The following LRP8 variants were observed in gnomAD, a reference collection of about 807,000 sequenced individuals.
LRP8 encodes the protein LDL receptor related protein 8.
In LRP8, 46 loss-of-function variants were observed where a neutral mutation model predicts 111.6. The observed-to-expected ratio is 0.41, with a 90% CI of 0.33 to 0.53. The LOEUF (loss-of-function observed/expected upper bound fraction) is 0.53, where lower values mean the gene tolerates loss of function less well. Ranked by LOEUF, LRP8 falls within the 20% of genes least tolerant of loss-of-function variation. The probability of loss-of-function intolerance (pLI) is 0.20; values close to 1 mark genes in which losing one functional copy is unlikely to be tolerated. For synonymous variants in LRP8, 464 were observed against 511.2 expected, an observed-to-expected ratio of 0.91 and a Z score of 1.24; for missense variants, 959 against 1,297.4, an observed-to-expected ratio of 0.74 and a Z score of 4.01.
chr1:53,324,244 A>G (rs141128947), intron 2 of LRP8, among the ~76,000 whole-genome samples: 1 of 152,356 alleles, frequency 6.6e-6, no homozygotes, highest in African/African-American at 2.4e-5. Context: ...TCTCTCCTGC[A>G]GGGAGAACAG....
chr1:53,306,656 G>A (rs146994741), intron 2 of LRP8, among the ~76,000 whole-genome samples: 28 of 152,310 alleles, frequency 1.8e-4, no homozygotes, highest in African/African-American at 5.8e-4. Flanking sequence ...GCTGGAGTTG[G>A]AGGAGAGTGC....
At chr1:53,326,255 G>C (rs994242627) in intron 2 of LRP8, among the ~76,000 whole-genome samples, 7 of 152,262 alleles carry the variant, frequency 4.6e-5, no homozygotes, top group Admixed American at 4.6e-4. Context: ...ACCACCCTAA[G>C]GATATGCGCG....
In LRP8 at chr1:53,266,328, T is replaced by C; in HGVS notation, c.1427+145A>G. On this transcript the variant is annotated intron_variant, in intron 9 of 18. Transcript: ENST00000306052. This position sits in a 1 kb window ranked among gnomAD's most constrained non-coding sequence, Gnocchi z 5.0. Reference sequence around the variant, plus strand: ...CCCCAGTAAAGTCCCAGAAGTTCCATATCCACTGTGATCCTGCATCTCTTC... The same window carrying C: ...CCCCAGTAAAGTCCCAGAAGTTCCACATCCACTGTGATCCTGCATCTCTTC... 4 of 796,920 alleles carry C rather than the reference T, an allele frequency of 5.0e-6. No individual in the cohort carries two copies. The highest frequency in any genetic ancestry group is 8.0e-6 in the Non-Finnish European group (4 of 502,416). The allele number at this position is 796,920 out of a possible 1,614,324, so 49.4% of individuals were successfully genotyped here.
chr1:53,263,904 G>T (rs1031300037), intron 10 of LRP8, among the ~76,000 whole-genome samples: 6 of 152,182 alleles, frequency 3.9e-5, no homozygotes, highest in Non-Finnish European at 7.3e-5. Flanking sequence ...TCCCCCAGGA[G>T]CTTCTATCAG....
rs374289162 is a variant in LRP8 at position 53,264,754 on chromosome 1, GT to G, written c.1428-359del. Reference sequence around the variant, plus strand: ...TTTATAGTTGAGTCCTGAAGGACGAGTTCACCAGGAGCATGAAGTCACCAGG... The same window carrying G: ...TTTATAGTTGAGTCCTGAAGGACGAGTCACCAGGAGCATGAAGTCACCAGG... On this transcript the variant is annotated intron_variant, in intron 9 of 18. Transcript: ENST00000306052. Among the ~76,000 whole-genome samples, 60 of 152,324 alleles carry G rather than the reference GT, an allele frequency of 3.9e-4. No homozygotes were observed. The East Asian group carries it at 0.011, about 27-fold the overall frequency.
intron 9 of LRP8, among the ~76,000 whole-genome samples, chr1:53,265,370 C>A (rs779776772): frequency 6.6e-6 from 1 of 152,128 alleles, no homozygotes; most frequent in African/African-American, 2.4e-5. Context: ...CTCAATATGT[C>A]CAAAACTGTT....
intron 16 of LRP8, among the ~76,000 whole-genome samples, chr1:53,254,053 T>C (rs1645988647): frequency 6.6e-6 from 1 of 152,124 alleles, no homozygotes. Context: ...CTCGGCATAC[T>C]GAAGATTCCC....
At chr1:53,261,869 C>T (rs544911869) in intron 12 of LRP8, among the ~76,000 whole-genome samples, 199 bp downstream of exon 12, 231 of 152,248 alleles carry the variant, frequency 1.5e-3, no homozygotes, top group African/African-American at 5.3e-3. Flanking sequence ...GGGAAGAGAG[C>T]GTGGGAAAGG....
chr1:53,311,224 G>A (rs1652934528), intron 2 of LRP8, among the ~76,000 whole-genome samples: 2 of 152,062 alleles, frequency 1.3e-5, no homozygotes, highest in South Asian at 4.1e-4. Context: ...GTGCGCAGGA[G>A]GAATCCATAG....
At chr1:53,319,280 C>T (rs946833495) in intron 2 of LRP8, among the ~76,000 whole-genome samples, 4 of 152,174 alleles carry the variant, frequency 2.6e-5, no homozygotes. Flanking sequence ...CCTGTGGTAC[C>T]TCAAGGCCAG....
chr1:53,268,681 A>T (rs1006306733), intron 8 of LRP8: 1 of 152,156 alleles, frequency 6.6e-6, no homozygotes, highest in African/African-American at 2.4e-5. Context: ...TAAACATAAC[A>T]TGTCCAAAAC....
chr1:53,264,209 G>A lies in LRP8; in HGVS notation c.1615C>T (p.Leu539Phe). 2 of 1,614,182 alleles carry A rather than the reference G, an allele frequency of 1.2e-6. No homozygotes were observed. The highest frequency in any genetic ancestry group is 1.1e-5 in the South Asian group (1 of 91,086). The change falls in exon 10 of 19, where the codon CTC becomes TTC. Residue 539 changes from leucine to phenylalanine, a missense_variant. By Grantham distance (22) the Leu-to-Phe change is conservative. This residue lies in a region of LRP8 where 819 missense variants were observed against 1,097.6 expected (regional missense o/e 0.75). Coordinates refer to ENST00000306052, the MANE Select transcript of LRP8 (RefSeq NM_004631.5). ...GRRRTLFSRN[L>F]SEPRAIAVDP... ...ACAGCGATGGCCCGGGGTTCACTGA[G>A]GTTACGGCTGAAGAGAGTGCGTCGG...
chr1:53,243,210 A>G lies in LRP8; in HGVS notation c.*3808T>C, dbSNP rs1457486008. 1 of 152,058 alleles carries G rather than the reference A, an allele frequency of 6.6e-6. No individual in the cohort carries two copies. Among genetic ancestry groups the G allele is most frequent in the Non-Finnish European group, 1.5e-5 (1 of 68,020 alleles). 9.4% of individuals were successfully genotyped at this position (152,058 alleles called of 1,614,324 possible). ...GTGGAGAGGCTTGCATTCCTGTGCCATTTCCCCATTCCCACCAGTGCCCAA... is the reference window on the plus strand; with the variant it reads ...GTGGAGAGGCTTGCATTCCTGTGCCGTTTCCCCATTCCCACCAGTGCCCAA... On this transcript the variant is annotated 3_prime_UTR_variant, in exon 19 of 19. Transcript: ENST00000306052.
Position 53,294,788 on chromosome 1 carries a change from C to A in LRP8, c.245-5099G>T, listed in dbSNP as rs192268676. Among the ~76,000 whole-genome samples, 139 of 152,326 alleles carry A rather than the reference C, an allele frequency of 9.1e-4. 3 individuals are homozygous for A. Among genetic ancestry groups the A allele is most frequent in the African/African-American group, 3.2e-3 (134 of 41,552 alleles). On this transcript the variant is annotated intron_variant, in intron 2 of 18. Transcript: ENST00000306052. This position sits in a 1 kb window ranked among gnomAD's most constrained non-coding sequence, Gnocchi z 4.1. ...GTGAAACTGTTAGAATCACTCAGCA[C>A]TTCTTGGCTTCCCCCGCCTCCAGAG...
intron 3 of LRP8, 135 bp from the exon 4 acceptor site, chr1:53,280,850 C>T (rs1002104625): frequency 1.9e-6 from 2 of 1,080,374 alleles, no homozygotes; most frequent in African/African-American, 3.2e-5. Context: ...GCCCATGTCT[C>T]AGTTTCATCA....
At chr1:53,319,552 C>T (rs780478928) in intron 2 of LRP8, among the ~76,000 whole-genome samples, 7 of 152,226 alleles carry the variant, frequency 4.6e-5, no homozygotes, top group African/African-American at 7.2e-5. Context: ...AGGCCCGGCT[C>T]TCCCATTGTG....
chr1:53,263,592 G>A (rs1226480569), intron 10 of LRP8, among the ~76,000 whole-genome samples: 1 of 152,198 alleles, frequency 6.6e-6, no homozygotes, highest in Non-Finnish European at 1.5e-5. Flanking sequence ...GAGACCATAG[G>A]CAACAGGGGT....
chr1:53,262,249 A>G lies in LRP8; in HGVS notation c.1775-42T>C. Reference sequence around the variant, plus strand: ...GATCAGGTCATGAACCTGGGACCCCAGTCTGGAGCTCTGTTCCTTTGTACC... The same window carrying G: ...GATCAGGTCATGAACCTGGGACCCCGGTCTGGAGCTCTGTTCCTTTGTACC... On this transcript the variant is annotated intron_variant, in intron 11 of 18. Coordinates refer to ENST00000306052, the MANE Select transcript of LRP8 (RefSeq NM_004631.5). This position sits in a 1 kb window ranked among gnomAD's most constrained non-coding sequence, Gnocchi z 4.8. 1 of 1,610,248 alleles carries G rather than the reference A, an allele frequency of 6.2e-7. No individual in the cohort carries two copies. The highest frequency in any genetic ancestry group is 8.5e-7 in the Non-Finnish European group (1 of 1,178,688).
intron 15 of LRP8, among the ~76,000 whole-genome samples, chr1:53,256,368 T>C (rs1646087920): frequency 1.3e-5 from 2 of 152,368 alleles, no homozygotes; most frequent in African/African-American, 2.4e-5. Context: ...TGGACAGTGA[T>C]ATTAAAACCT....
Sources: allele counts gnomAD v4.1 joint callset (sites outside exome capture counted in the v4.1 genomes callset), GRCh38; gene constraint gnomAD v4.1.1; regional missense constraint gnomAD v4.1.1; non-coding constraint Gnocchi (gnomAD v3.1); transcripts MANE v1.5; gene names NCBI Gene and HGNC (gene_info 2026-07-23, HGNC 2026-07-21).